Variants in CPHXL observed in about 807,000 individuals in gnomAD.
CPHXL encodes cytoplasmic polyadenylated homeobox like, also known as cytoplasmic polyadenylated homeobox-like protein.
At chr16:75,719,437 C>T (rs778339431) in intron 1 of CPHXL, among the ~76,000 whole-genome samples, 6 of 152,190 alleles carry the variant, frequency 3.9e-5, no homozygotes, top group East Asian at 1.9e-4. Flanking sequence ...TCTTAGCAAA[C>T]GGCACACCAG....
chr16:75,714,620 A>G lies in CPHXL; in HGVS notation c.822T>C (p.His274=), dbSNP rs1028611982. 2.5e-6 allele frequency: 1 copy of G among 398,684 alleles called. No individual in the cohort carries two copies. Among genetic ancestry groups the G allele is most frequent in the Non-Finnish European group, 4.4e-6 (1 of 226,088 alleles). 24.7% of individuals were successfully genotyped at this position (398,684 alleles called of 1,614,324 possible). Reference sequence around the variant, plus strand: ...CGTAATCCAAAAGGAAAGGACTTGCATGCTGGCTTTCCTTGGTTTCAGTCC... The same window carrying G: ...CGTAATCCAAAAGGAAAGGACTTGCGTGCTGGCTTTCCTTGGTTTCAGTCC... The part of the protein sequence containing the change: ...GERTETKESQ[H]ASPFLLDYAQ... The change falls in exon 3 of 3, where the codon CAT becomes CAC. Residue 274 remains histidine, a synonymous_variant. Transcript: ENST00000640559.
chr16:75,722,745 C>G (rs567847075), intron 1 of CPHXL, among the ~76,000 whole-genome samples: 194 of 152,330 alleles, frequency 1.3e-3, no homozygotes, highest in Middle Eastern at 6.8e-3. Context: ...CTCCCTAACT[C>G]ATTTTATGAG....
Position 75,725,539 on chromosome 16 carries a change from G to A in CPHXL, c.25+879C>T, listed in dbSNP as rs1413402744. On this transcript the variant is annotated intron_variant, in intron 1 of 2. Coordinates refer to ENST00000640559, the MANE Select transcript of CPHXL (RefSeq NM_001355613.1). ...ACCATCTCGGCTCACTGCAAGCTCC[G>A]CCTCCCGGGTTCACGCCATTCTCCT... is the stretch of plus-strand genomic sequence containing the variant. Among the ~76,000 whole-genome samples, 29 of 150,068 alleles carry A rather than the reference G, an allele frequency of 1.9e-4. No homozygotes were observed. The East Asian group carries it at 5.6e-3, about 29-fold the overall frequency.
Position 75,715,026 on chromosome 16 carries a change from C to T in CPHXL, c.416G>A (p.Cys139Tyr). ...AATCCACTGTTTCTCCAGATGGGAG[C>T]AACCAGCTCTTCTCATCAGAGCCCT... The part of the protein sequence containing the change: ...AQRALMRRAG[C>Y]SHLEKQWIPS... Residue 139 changes from cysteine to tyrosine, a missense_variant, in exon 3 of 3, where the codon TGC becomes TAC. By Grantham distance (194) the Cys-to-Tyr change is radical. Coordinates refer to ENST00000640559, the MANE Select transcript of CPHXL (RefSeq NM_001355613.1). The T allele has an allele frequency of 2.5e-6, 1 of 398,654 alleles. No homozygotes were observed. Among genetic ancestry groups the T allele is most frequent in the East Asian group, 3.6e-5 (1 of 28,084 alleles). 24.7% of individuals were successfully genotyped at this position (398,654 alleles called of 1,614,324 possible).
At chr16:75,724,114 A>C (rs1034319456) in intron 1 of CPHXL, among the ~76,000 whole-genome samples, 4 of 152,256 alleles carry the variant, frequency 2.6e-5, no homozygotes, top group Non-Finnish European at 4.4e-5. Context: ...ACTTTATACA[A>C]AAATTAATTC....
At chr16:75,724,259 C>A (rs1413146983) in intron 1 of CPHXL, among the ~76,000 whole-genome samples, 2 of 152,080 alleles carry the variant, frequency 1.3e-5, no homozygotes, top group African/African-American at 4.8e-5. Context: ...GCAACGAAAG[C>A]CAAAATTGAC....
At chr16:75,717,321 A>C (rs1959406898) in intron 2 of CPHXL, among the ~76,000 whole-genome samples, 1 of 152,232 alleles carries the variant, frequency 6.6e-6, no homozygotes, top group Non-Finnish European at 1.5e-5. Context: ...ATGCGATGAA[A>C]TGCTATATAC....
At chr16:75,725,046 G>A (rs1005434400) in intron 1 of CPHXL, among the ~76,000 whole-genome samples, 7 of 151,860 alleles carry the variant, frequency 4.6e-5, no homozygotes, top group African/African-American at 1.4e-4. Context: ...AACACCGCTT[G>A]TTCTCACTCA....
chr16:75,721,930 A>G (rs1959483235), intron 1 of CPHXL, among the ~76,000 whole-genome samples: 1 of 152,256 alleles, frequency 6.6e-6, no homozygotes, highest in Non-Finnish European at 1.5e-5. Flanking sequence ...CAATCAAACT[A>G]GAACTCAGGA....
At chr16:75,719,223 G>C (rs1745986917) in intron 1 of CPHXL, among the ~76,000 whole-genome samples, 1 of 152,212 alleles carries the variant, frequency 6.6e-6, no homozygotes, top group African/African-American at 2.4e-5. Flanking sequence ...GAGGTACTGG[G>C]TTCATCTCAC....
In CPHXL at chr16:75,714,690, C is replaced by A; in HGVS notation, c.752G>T (p.Cys251Phe). ...YHFLSYNSAE[C>F]LHPPPSSVPY... ...CACAGAAGATGGGGGAGGATGAAGG[C>A]ATTCTGCAGAGTTGTAGCTGAGAAA... The change falls in exon 3 of 3, where the codon TGC (cysteine) becomes TTC (phenylalanine). Residue 251 changes from cysteine to phenylalanine, a missense_variant. Cys to Phe is a radical substitution (Grantham distance 205). Coordinates refer to ENST00000640559, the MANE Select transcript of CPHXL (RefSeq NM_001355613.1). 2.5e-6 allele frequency: 1 copy of A among 398,656 alleles called. No individual in the cohort carries two copies. Among genetic ancestry groups the A allele is most frequent in the Non-Finnish European group, 4.4e-6 (1 of 226,072 alleles). 24.7% of individuals were successfully genotyped at this position (398,656 alleles called of 1,614,324 possible). A position where few individuals can be genotyped will look rare whatever the true frequency, so the allele number is the denominator to read the frequency against.
At chr16:75,725,734 G>T (rs969508784) in intron 1 of CPHXL, among the ~76,000 whole-genome samples, 1 of 140,024 alleles carries the variant, frequency 7.1e-6, no homozygotes, top group Admixed American at 7.3e-5. Context: ...TTACAGGAGT[G>T]AGCCACCGTG....
At position 75,714,931 on chromosome 16, in the gene CPHXL, G is replaced by A. The variant is rs1410436417; in HGVS notation, c.511C>T (p.Pro171Ser). 7.5e-6 allele frequency: 3 copies of A among 398,352 alleles called. No individual in the cohort carries two copies. The highest frequency in any genetic ancestry group is 6.2e-5 in the African/African-American group (3 of 48,562). 24.7% of individuals were successfully genotyped at this position (398,352 alleles called of 1,614,324 possible). The change falls in exon 3 of 3, where the codon CCC (proline) becomes TCC (serine). Residue 171 changes from proline to serine, a missense_variant. By Grantham distance (74) the Pro-to-Ser change is moderately conservative (BLOSUM62 -1). Transcript: ENST00000640559. ...GGTTTCTCCAGATAAGAGCACTGGG[G>A]GCCCACCTGTTGACTGGGAGTCTCT... ...NQETPSQQVG[P>S]QCSYLEKPGI...
At chr16:75,723,247 C>A (rs891901662) in intron 1 of CPHXL, among the ~76,000 whole-genome samples, 1 of 152,120 alleles carries the variant, frequency 6.6e-6, no homozygotes, top group Non-Finnish European at 1.5e-5. Flanking sequence ...GAAGTTCTGG[C>A]CAGGGCAATC....
At chr16:75,726,357 A>G (rs1221052966) in intron 1 of CPHXL, 61 bp downstream of exon 1, 1 of 398,472 alleles carries the variant, frequency 2.5e-6, no homozygotes, top group Admixed American at 4.4e-5. Context: ...AAACTTTGAC[A>G]CACTATTGAG....
chr16:75,717,931 T>C lies in CPHXL; in HGVS notation c.219+334A>G, dbSNP rs538246613. Among the ~76,000 whole-genome samples, 6 of 152,308 alleles carry C rather than the reference T, an allele frequency of 3.9e-5. No individual in the cohort carries two copies. In the East Asian group the frequency reaches 9.6e-4, roughly 24 times the overall value. ...ATCTGTACTTATTGCCCTTTAATTT[T>C]ATATGGAACAGCTGGATGTGGTGAC... On this transcript the variant is annotated intron_variant, in intron 2 of 2. Transcript: ENST00000640559.
intron 1 of CPHXL, among the ~76,000 whole-genome samples, chr16:75,725,611 C>T (rs537029898): frequency 6.6e-6 from 1 of 152,014 alleles, no homozygotes; most frequent in South Asian, 2.1e-4. Flanking sequence ...CGCCACCACA[C>T]CCTGCTAATT....
intron 1 of CPHXL, among the ~76,000 whole-genome samples, chr16:75,719,659 T>C (rs1959446530): frequency 6.6e-6 from 1 of 152,198 alleles, no homozygotes; most frequent in African/African-American, 2.4e-5. Context: ...CCTGCCTCTC[T>C]AGACTCCACC....
chr16:75,715,338 G>A (rs565839829), intron 2 of CPHXL, 116 bp from the exon 3 acceptor site: 2 of 397,430 alleles, frequency 5.0e-6, no homozygotes, highest in East Asian at 7.1e-5. Flanking sequence ...CAGAGTCCCT[G>A]ACTTGCCTGC....
Sources: gnomAD v4.1 joint callset for allele counts (sites outside exome capture counted in the v4.1 genomes callset) on GRCh38, gnomAD v4.1.1 for gene constraint, MANE v1.5 for transcripts, NCBI Gene and HGNC (gene_info 2026-07-23, HGNC 2026-07-21) for gene names.